Variants in DSE observed in about 807,000 individuals in gnomAD.
The protein encoded by DSE is dermatan sulfate epimerase.
A neutral mutation model predicts 84.4 loss-of-function variants in DSE; 36 were observed. The observed-to-expected ratio is 0.43, with a 90% CI of 0.33 to 0.56. The LOEUF (loss-of-function observed/expected upper bound fraction) is 0.56, where lower values mean the gene tolerates loss of function less well. DSE is among the 20% of genes least tolerant of loss of function. The probability of loss-of-function intolerance (pLI) is 0.06; values close to 1 mark genes in which losing one functional copy is unlikely to be tolerated. For synonymous variants in DSE, 410 were observed against 430.1 expected (o/e 0.95, Z 0.58); for missense variants, 862 against 1,169.6 (o/e 0.74, Z 3.84).
At position 116,438,556 on chromosome 6, in the gene DSE, A is replaced by C. The variant is rs577770437; in HGVS notation, c.*1211A>C. On this transcript the variant is annotated 3_prime_UTR_variant, in exon 6 of 6. Coordinates refer to ENST00000644252, the MANE Select transcript of DSE (RefSeq NM_013352.4). ...ACTCCTCAGAAGGTAACAGCAGCAT[A>C]GAATACTAGAAAAATAATCCATAGT... 6.6e-6 allele frequency: 1 copy of C among 152,318 alleles called. No homozygotes were observed. Among genetic ancestry groups the C allele is most frequent in the Non-Finnish European group, 1.5e-5 (1 of 67,986 alleles). The allele number at this position is 152,318 out of a possible 1,614,324, so 9.4% of individuals were successfully genotyped here.
upstream of DSE, chr6:116,370,602 T>A (rs1172732158): frequency 7.3e-6 from 6 of 817,026 alleles, no homozygotes; most frequent in African/African-American, 1.1e-4. Flanking sequence ...TTGGGTGTGA[T>A]TCTCGAACCC....
intron 2 of DSE, among the ~76,000 whole-genome samples, chr6:116,267,610 T>A (rs1772687546): frequency 6.6e-6 from 1 of 152,128 alleles, no homozygotes; most frequent in Admixed American, 6.5e-5. Context: ...TAAGGTTAAT[T>A]TATTATTGGA....
chr6:116,344,303 C>G (rs2498707), intron 2 of DSE, among the ~76,000 whole-genome samples: 115,101 of 152,118 alleles, frequency 0.76, 44,816 homozygotes, highest in East Asian at 1. Flanking sequence ...GATACTCCTC[C>G]TGAAGAGCAA....
chr6:116,317,083 A>G (rs1342062734), intron 2 of DSE, among the ~76,000 whole-genome samples: 1 of 152,186 alleles, frequency 6.6e-6, no homozygotes, highest in African/African-American at 2.4e-5. Context: ...AAAGATAGAA[A>G]GAGAAGGGGA....
chr6:116,322,045 A>AG (rs1454559533), intron 2 of DSE, among the ~76,000 whole-genome samples: 1 of 152,110 alleles, frequency 6.6e-6, no homozygotes, highest in African/African-American at 2.4e-5. Context: ...TCCCCAAGTG[A>AG]GCAATTCCTG....
intron 1 of DSE, among the ~76,000 whole-genome samples, chr6:116,384,414 A>G (rs1780445651): frequency 6.6e-6 from 1 of 152,228 alleles, no homozygotes. Flanking sequence ...GCATGCTAAT[A>G]ATGGGATGGC....
intron 2 of DSE, among the ~76,000 whole-genome samples, chr6:116,283,526 T>TTTGTTGTTG (rs148204266): frequency 0.026 from 3,812 of 149,336 alleles, 133 homozygotes; most frequent in African/African-American, 0.082. Flanking sequence ...GGGTAGATTC[T>TTTGTTGTTG]TTGTTGTTGT....
At chr6:116,307,356 T>G (rs2114721098) in intron 2 of DSE, among the ~76,000 whole-genome samples, 1 of 152,378 alleles carries the variant, frequency 6.6e-6, no homozygotes, top group Admixed American at 6.5e-5. Flanking sequence ...GTCAAGCCGA[T>G]GCATTGTATA....
At chr6:116,370,311 G>T, upstream of DSE, 1 of 274,274 alleles carries the variant, frequency 3.6e-6, no homozygotes, top group Non-Finnish European at 5.9e-6. Flanking sequence ...TGCAGGGTTC[G>T]GTGCGCTTGG....
At chr6:116,314,079 C>T (rs1171779616) in intron 2 of DSE, among the ~76,000 whole-genome samples, 1 of 152,122 alleles carries the variant, frequency 6.6e-6, no homozygotes, top group Admixed American at 6.5e-5. Context: ...GGCTTCCTTT[C>T]CCCCATTTTT....
chr6:116,355,573 T>A (rs1228781018), intron 2 of DSE: 1 of 152,212 alleles, frequency 6.6e-6, no homozygotes, highest in Non-Finnish European at 1.5e-5. Context: ...TAAAAGCGAA[T>A]TTTCCAATAC....
chr6:116,415,740 G>C (rs1018988084), intron 2 of DSE, among the ~76,000 whole-genome samples: 3 of 151,138 alleles, frequency 2.0e-5, no homozygotes. Flanking sequence ...AGCTTCTTTT[G>C]TCTTGAAATT....
intron 2 of DSE, among the ~76,000 whole-genome samples, chr6:116,308,642 G>A (rs1417734628): frequency 6.6e-6 from 1 of 152,030 alleles, no homozygotes; most frequent in Admixed American, 6.6e-5. Flanking sequence ...CTATAAAATG[G>A]TGATAATAAC....
chr6:116,346,425 TC>T (rs1346111078), intron 2 of DSE, among the ~76,000 whole-genome samples: 1 of 152,140 alleles, frequency 6.6e-6, no homozygotes, highest in Non-Finnish European at 1.5e-5. Context: ...TCCACCATGA[TC>T]AAATGGGCTT....
chr6:116,410,921 A>G (rs17196517), intron 2 of DSE, among the ~76,000 whole-genome samples: 30,282 of 152,060 alleles, frequency 0.2, 4,095 homozygotes, highest in Middle Eastern at 0.32. Flanking sequence ...TGACAGTTGT[A>G]TTTGAGGGCC....
chr6:116,397,702 A>G (rs1222166995), intron 1 of DSE, among the ~76,000 whole-genome samples: 1 of 152,204 alleles, frequency 6.6e-6, no homozygotes, highest in Non-Finnish European at 1.5e-5. Context: ...TGGGTGCTAG[A>G]CATAATACTG....
chr6:116,433,275 T>G, intron 4 of DSE, 68 bp from the exon 5 acceptor site: 1 of 1,426,686 alleles, frequency 7.0e-7, no homozygotes, highest in Non-Finnish European at 9.5e-7. Context: ...TGAAAAGTCA[T>G]TGTTTAGACC....
intron 2 of DSE, among the ~76,000 whole-genome samples, chr6:116,308,163 G>C (rs1775457411): frequency 6.6e-6 from 1 of 152,166 alleles, no homozygotes; most frequent in African/African-American, 2.4e-5. Context: ...TATTTCTCCT[G>C]TTGACTATTA....
chr6:116,254,253 G>A (rs1772049475), exon 1 of DSE: 2 of 689,410 alleles, frequency 2.9e-6, no homozygotes, highest in South Asian at 1.5e-5. Flanking sequence ...GTCTGGAAGG[G>A]GAGTTTTACT....
Sources: allele counts gnomAD v4.1 joint callset (sites outside exome capture counted in the v4.1 genomes callset), GRCh38; gene constraint gnomAD v4.1.1; transcripts MANE v1.5; gene names NCBI Gene and HGNC (gene_info 2026-07-23, HGNC 2026-07-21).